The following SGCZ variants were observed in gnomAD, a reference collection of about 807,000 sequenced individuals.
SGCZ encodes sarcoglycan zeta, also known as zeta-sarcoglycan.
SGCZ carries 40 observed loss-of-function variants against 41.3 expected under a neutral mutation model. The ratio of observed to expected loss-of-function variants is 0.97; its 90% CI spans 0.75 to 1.26. SGCZ has a LOEUF of 1.26. Among genes scored for constraint, SGCZ ranks in the 50% most tolerant of loss-of-function variants. SGCZ has a pLI of 0.00. For missense variants in SGCZ, 552 were observed against 369.8 expected (o/e 1.49, Z -4.04); for synonymous variants, 206 against 137.5 (o/e 1.50, Z -3.49).
chr8:14,729,515 A>G (rs1810163503), intron 1 of SGCZ, among the ~76,000 whole-genome samples: 1 of 152,210 alleles, frequency 6.6e-6, no homozygotes, highest in Non-Finnish European at 1.5e-5. Context: ...AAGAGACATC[A>G]GGGATGAATG....
At chr8:14,235,887 G>A (rs1333940753) in intron 4 of SGCZ, among the ~76,000 whole-genome samples, 1 of 152,142 alleles carries the variant, frequency 6.6e-6, no homozygotes, top group African/African-American at 2.4e-5. Context: ...GTTTCACCAT[G>A]TTGGACAGGA....
chr8:14,895,986 T>G (rs1312569669), intron 1 of SGCZ, among the ~76,000 whole-genome samples: 1 of 152,222 alleles, frequency 6.6e-6, no homozygotes, highest in Non-Finnish European at 1.5e-5. Context: ...AGGTGAACAC[T>G]ACCTGGTAAG....
At chr8:14,421,567 C>A (rs1799637713) in intron 2 of SGCZ, among the ~76,000 whole-genome samples, 1 of 152,034 alleles carries the variant, frequency 6.6e-6, no homozygotes, top group Admixed American at 6.6e-5. Context: ...AAGACAAGGA[C>A]ACAATCAACC....
intron 2 of SGCZ, among the ~76,000 whole-genome samples, chr8:14,553,263 C>A (rs548465186): frequency 9.9e-5 from 15 of 152,060 alleles, no homozygotes; most frequent in African/African-American, 3.4e-4. Flanking sequence ...TGAGCCAACT[C>A]TTAGACAAAG....
intron 1 of SGCZ, among the ~76,000 whole-genome samples, chr8:15,206,777 AT>A (rs113813675): frequency 0.055 from 8,285 of 150,388 alleles, 260 homozygotes; most frequent in South Asian, 0.075. Context: ...AACTAAAGAG[AT>A]TTTTTTTTTC....
intron 1 of SGCZ, among the ~76,000 whole-genome samples, chr8:15,031,902 C>CTCTCT (rs1803678803): frequency 7.6e-6 from 1 of 130,764 alleles, no homozygotes; most frequent in Non-Finnish European, 1.6e-5. Flanking sequence ...CCTCTATATT[C>CTCTCT]CTCTCTCTCT....
rs1554471134 is a variant in SGCZ at position 15,172,162 on chromosome 8, T to TTTATTTATTTATTTTATTTTATTTTA, written c.39+65422_39+65423insTAAAATAAAATAAAATAAATAAATAA. Among the ~76,000 whole-genome samples the TTTATTTATTTATTTTATTTTATTTTA allele has an allele frequency of 1.4e-4, 17 of 119,034 alleles. 2 individuals are homozygous for TTTATTTATTTATTTTATTTTATTTTA. Among genetic ancestry groups the TTTATTTATTTATTTTATTTTATTTTA allele is most frequent in the African/African-American group, 5.5e-4 (17 of 30,818 alleles). 78.1% of individuals were successfully genotyped at this position (119,034 alleles called of 152,430 possible). A position where few individuals can be genotyped will look rare whatever the true frequency, so the allele number is the denominator to read the frequency against. On this transcript the variant is annotated intron_variant, in intron 1 of 7. Transcript: ENST00000382080. ...AATGCCTTTTATACTCTGTTTTTTTTTTTTTTTTTTTTTTTTTGAGACGGA... is the reference window on the plus strand; with the variant it reads ...AATGCCTTTTATACTCTGTTTTTTTTTTATTTATTTATTTTATTTTATTTTATTTTTTTTTTTTTTTTTGAGACGGA...
intron 1 of SGCZ, among the ~76,000 whole-genome samples, chr8:14,561,108 C>A (rs1042053504): frequency 6.6e-6 from 1 of 151,900 alleles, no homozygotes; most frequent in Admixed American, 6.6e-5. Context: ...TGTTTTAGTG[C>A]AATAGTAGTA....
chr8:14,934,469 T>C (rs1403006801), intron 1 of SGCZ, among the ~76,000 whole-genome samples: 1 of 151,780 alleles, frequency 6.6e-6, no homozygotes, highest in Non-Finnish European at 1.5e-5. Flanking sequence ...GAAAATTAAA[T>C]GGACATTTTA....
At chr8:14,667,766 C>G (rs1209822338) in intron 1 of SGCZ, among the ~76,000 whole-genome samples, 4 of 151,996 alleles carry the variant, frequency 2.6e-5, no homozygotes, top group Admixed American at 6.6e-5. Flanking sequence ...AAAACATGGT[C>G]TCCGTAATCA....
intron 1 of SGCZ, among the ~76,000 whole-genome samples, chr8:14,747,468 C>G (rs1799368160): frequency 6.6e-6 from 1 of 152,108 alleles, no homozygotes; most frequent in Admixed American, 6.5e-5. Flanking sequence ...AATTCTAACA[C>G]ATATACTTAT....
rs554200299 is a variant in SGCZ at position 14,138,948 on chromosome 8, A to G, written c.547+25632T>C. On this transcript the variant is annotated intron_variant, in intron 5 of 7. Transcript: ENST00000382080. ...CTGACCACATAGCCGAAAGTATAGC[A>G]CTCCTCAGCAAATGTAAAAGAACAG... Among the ~76,000 whole-genome samples, 63 of 152,216 alleles carry G rather than the reference A, an allele frequency of 4.1e-4. 2 individuals carry two copies. Among genetic ancestry groups the G allele is most frequent in the African/African-American group, 1.4e-3 (58 of 41,544 alleles).
rs974840978 is a variant in SGCZ, at chr8:14,318,159, AAAAGAAAG to A, written c.336+5936_336+5943del. On this transcript the variant is annotated intron_variant, in intron 3 of 7. Coordinates refer to ENST00000382080, the MANE Select transcript of SGCZ (RefSeq NM_139167.4). Reference sequence around the variant, plus strand: ...TGGTATTGGGGACTATTGGTTTTTCAAAAGAAAGAAAGAAAGAAAGAAACAAGGAAGAG... The same window carrying A: ...TGGTATTGGGGACTATTGGTTTTTCAAAAGAAAGAAAGAAACAAGGAAGAG... Among the ~76,000 whole-genome samples, 12 of 151,668 alleles carry A rather than the reference AAAAGAAAG, an allele frequency of 7.9e-5. No homozygotes were observed. The South Asian group carries it at 1.9e-3, about 24-fold the overall frequency.
intron 1 of SGCZ, among the ~76,000 whole-genome samples, chr8:14,654,318 T>G (rs1406271645): frequency 3.3e-5 from 5 of 152,058 alleles, no homozygotes; most frequent in African/African-American, 1.2e-4. Flanking sequence ...CACTTATTTC[T>G]GATGCTACCT....
chr8:14,490,205 T>A (rs1226217838), intron 2 of SGCZ, among the ~76,000 whole-genome samples: 1 of 152,146 alleles, frequency 6.6e-6, no homozygotes, highest in Non-Finnish European at 1.5e-5. Flanking sequence ...TGTCAACTTT[T>A]ACATGGTACA....
At chr8:14,421,633 G>T (rs925481324) in intron 2 of SGCZ, among the ~76,000 whole-genome samples, 20 of 152,056 alleles carry the variant, frequency 1.3e-4, no homozygotes, top group Non-Finnish European at 8.8e-5. Context: ...CACAGATGTG[G>T]TTTACTCTGC....
chr8:14,823,226 A>G (rs1802174847), intron 1 of SGCZ, among the ~76,000 whole-genome samples: 1 of 152,102 alleles, frequency 6.6e-6, no homozygotes, highest in African/African-American at 2.4e-5. Context: ...AAAAATATAC[A>G]AACAGAATTA....
intron 2 of SGCZ, among the ~76,000 whole-genome samples, chr8:14,456,178 G>A (rs1362858006): frequency 6.6e-6 from 1 of 152,140 alleles, no homozygotes; most frequent in African/African-American, 2.4e-5. Context: ...GGAAGCTGAG[G>A]CAGGCAAATC....
At chr8:15,232,735 A>G (rs577776020) in intron 1 of SGCZ, among the ~76,000 whole-genome samples, 1 of 146,166 alleles carries the variant, frequency 6.8e-6, no homozygotes, top group Non-Finnish European at 1.5e-5. Flanking sequence ...ATATACATAT[A>G]TATGTGTGTA....
Sources: gnomAD v4.1 joint callset for allele counts (sites outside exome capture counted in the v4.1 genomes callset) on GRCh38, gnomAD v4.1.1 for gene constraint, MANE v1.5 for transcripts, NCBI Gene and HGNC (gene_info 2026-07-23, HGNC 2026-07-21) for gene names.